FAM13C: variants seen among roughly 807,000 people sequenced by gnomAD.
The protein encoded by FAM13C is protein FAM13C.
Under a neutral mutation model 73.2 loss-of-function variants are expected in FAM13C, and 37 were observed. That is an observed-to-expected ratio of 0.51 (90% CI 0.39 to 0.67). The LOEUF (loss-of-function observed/expected upper bound fraction) is 0.67, where lower values mean the gene tolerates loss of function less well. Ranked by LOEUF, FAM13C falls within the 30% of genes least tolerant of loss-of-function variation. FAM13C has a pLI of 0.00. For synonymous variants in FAM13C, 246 were observed against 260.9 expected (o/e 0.94, Z 0.55); for missense variants, 589 against 715.6 (o/e 0.82, Z 2.02).
intron 10 of FAM13C, among the ~76,000 whole-genome samples, chr10:59,258,425 G>A (rs1219535925): frequency 6.6e-6 from 1 of 152,206 alleles, no homozygotes; most frequent in East Asian, 1.9e-4. Context: ...CATGGCTGCA[G>A]TGAGCTATGA....
chr10:59,304,815 A>G (rs12762249), intron 4 of FAM13C, among the ~76,000 whole-genome samples: 902 of 9,946 alleles, frequency 0.091, no homozygotes, highest in South Asian at 0.14. Context: ...GAAGGGAAGG[A>G]AAGGGGAAGG....
intron 6 of FAM13C, among the ~76,000 whole-genome samples, chr10:59,272,530 G>A (rs1345332500): frequency 6.6e-6 from 1 of 152,202 alleles, no homozygotes; most frequent in Non-Finnish European, 1.5e-5. Context: ...AGAAGCTGAT[G>A]GCAATATTAA....
intron 5 of FAM13C, among the ~76,000 whole-genome samples, chr10:59,290,966 C>T (rs910492196): frequency 9.9e-5 from 15 of 152,264 alleles, no homozygotes; most frequent in Admixed American, 3.3e-4. Flanking sequence ...TTATAAAAGA[C>T]GTGCACTCCC....
intron 10 of FAM13C, among the ~76,000 whole-genome samples, chr10:59,259,423 T>C (rs1039857013): frequency 5.9e-5 from 9 of 152,170 alleles, no homozygotes; most frequent in Non-Finnish European, 1.2e-4. Context: ...TGAGATGATC[T>C]GAAATGCTAT....
At chr10:59,285,160 G>A (rs1002583193) in intron 5 of FAM13C, among the ~76,000 whole-genome samples, 1 of 152,206 alleles carries the variant, frequency 6.6e-6, no homozygotes, top group Non-Finnish European at 1.5e-5. Context: ...GATGGGGTGG[G>A]ACCCGGCGCA....
In FAM13C at chr10:59,294,766, T is replaced by C. The variant is rs577356853; in HGVS notation, c.507+8035A>G. On this transcript the variant is annotated intron_variant, in intron 5 of 13. Coordinates refer to ENST00000618804, the MANE Select transcript of FAM13C (RefSeq NM_198215.4). ...TCATTGACACTGATAACAAAAGTTG[T>C]CTAAAATTAAATGAATCATAGGATA... 3.9e-5 allele frequency among the ~76,000 whole-genome samples: 6 copies of C among 152,290 alleles called. No individual in the cohort carries two copies. In the South Asian group the frequency reaches 1.2e-3, roughly 32 times the overall value.
At chr10:59,303,713 C>T (rs961931038) in intron 4 of FAM13C, among the ~76,000 whole-genome samples, 4 of 152,184 alleles carry the variant, frequency 2.6e-5, no homozygotes, top group South Asian at 4.2e-4. Context: ...GTCATGGGAT[C>T]TGTGACAGGG....
At chr10:59,310,256 G>A (rs150318522) in intron 4 of FAM13C, among the ~76,000 whole-genome samples, 2,444 of 152,204 alleles carry the variant, frequency 0.016, 33 homozygotes, top group Non-Finnish European at 0.027. Flanking sequence ...ATGTATACCC[G>A]GATGACTGCT....
intron 4 of FAM13C, among the ~76,000 whole-genome samples, chr10:59,303,875 C>T (rs766869235): frequency 3.3e-5 from 5 of 152,106 alleles, no homozygotes; most frequent in Non-Finnish European, 7.3e-5. Flanking sequence ...TTCGGCCAGG[C>T]GCGGTGGCTC....
At chr10:59,286,905 G>A (rs151136295) in intron 5 of FAM13C, among the ~76,000 whole-genome samples, 6 of 150,734 alleles carry the variant, frequency 4.0e-5, no homozygotes, top group Non-Finnish European at 3.0e-5. Context: ...GTGGTGGCAC[G>A]CACCTGTAAT....
chr10:59,269,428 AC>A, intron 7 of FAM13C, among the ~76,000 whole-genome samples: 1 of 151,734 alleles, frequency 6.6e-6, no homozygotes, highest in Non-Finnish European at 1.5e-5. Flanking sequence ...ACACACACAC[AC>A]ACACACACAC....
Position 59,246,590 on chromosome 10 carries a change from C to A in FAM13C, c.*1024G>T. On this transcript the variant is annotated 3_prime_UTR_variant, in exon 14 of 14. Coordinates refer to ENST00000618804, the MANE Select transcript of FAM13C (RefSeq NM_198215.4). Reference sequence around the variant, plus strand: ...ATAAACATGTTTTCGTATAAAATAACACAAAATGATATACACTGAAGTTGA... The same window carrying A: ...ATAAACATGTTTTCGTATAAAATAAAACAAAATGATATACACTGAAGTTGA... 2.5e-6 allele frequency: 1 copy of A among 397,374 alleles called. No individual in the cohort carries two copies. The highest frequency in any genetic ancestry group is 4.4e-6 in the Non-Finnish European group (1 of 224,972). The allele number at this position is 397,374 out of a possible 1,614,324, so 24.6% of individuals were successfully genotyped here.
chr10:59,263,104 A>G (rs1027418913), intron 9 of FAM13C, among the ~76,000 whole-genome samples: 1 of 152,178 alleles, frequency 6.6e-6, no homozygotes, highest in Non-Finnish European at 1.5e-5. Flanking sequence ...AGAGGATGGG[A>G]AAGGGTAGAT....
chr10:59,326,524 C>T (rs188519825), intron 3 of FAM13C, among the ~76,000 whole-genome samples: 11 of 152,250 alleles, frequency 7.2e-5, no homozygotes, highest in African/African-American at 1.4e-4. Flanking sequence ...GATCTATAAG[C>T]CCCCCTCAGA....
chr10:59,289,706 A>G (rs1363553807), intron 5 of FAM13C, among the ~76,000 whole-genome samples: 2 of 152,182 alleles, frequency 1.3e-5, no homozygotes, highest in Non-Finnish European at 2.9e-5. Context: ...TGAGTGACTA[A>G]CCACCCATTT....
intron 4 of FAM13C, among the ~76,000 whole-genome samples, chr10:59,308,222 G>C (rs1486172670): frequency 3.9e-5 from 6 of 152,110 alleles, no homozygotes; most frequent in African/African-American, 1.4e-4. Flanking sequence ...CCAGGTCCTG[G>C]CAATGAGAAA....
chr10:59,286,539 A>ATATT lies in FAM13C; in HGVS notation c.508-3096_508-3093dup, dbSNP rs1845582864. 7.7e-5 allele frequency among the ~76,000 whole-genome samples: 11 copies of ATATT among 142,532 alleles called. No homozygotes were observed. In the South Asian group the frequency reaches 2.5e-3, roughly 33 times the overall value. 93.5% of individuals were successfully genotyped at this position (142,532 alleles called of 152,430 possible). A position where few individuals can be genotyped will look rare whatever the true frequency, so the allele number is the denominator to read the frequency against. The stretch of plus-strand genomic sequence containing the variant: ...CAAATATATATATATATATATATAT[A>ATATT]TATTCATCATACAGAAAGTAGAATG... On this transcript the variant is annotated intron_variant, in intron 5 of 13. Transcript: ENST00000618804.
intron 6 of FAM13C, among the ~76,000 whole-genome samples, chr10:59,281,015 G>C (rs1844866824): frequency 6.6e-6 from 1 of 152,110 alleles, no homozygotes; most frequent in South Asian, 2.1e-4. Flanking sequence ...CCATGTTATT[G>C]ACATCAAAAA....
At chr10:59,315,982 T>C (rs1249858227) in intron 4 of FAM13C, among the ~76,000 whole-genome samples, 1 of 152,202 alleles carries the variant, frequency 6.6e-6, no homozygotes, top group Non-Finnish European at 1.5e-5. Context: ...CAGGCTGCAG[T>C]GCAGTGGCAT....
Sources: allele counts gnomAD v4.1 joint callset (sites outside exome capture counted in the v4.1 genomes callset), GRCh38; gene constraint gnomAD v4.1.1; transcripts MANE v1.5; gene names NCBI Gene and HGNC (gene_info 2026-07-23, HGNC 2026-07-21).